ERC1: variants seen among roughly 807,000 people sequenced by gnomAD.
ERC1 encodes ELKS/RAB6-interacting/CAST family member 1.
Under a neutral mutation model 132.0 loss-of-function variants are expected in ERC1, and 56 were observed. The ratio of observed to expected loss-of-function variants is 0.42; its 90% CI spans 0.34 to 0.53. The LOEUF (loss-of-function observed/expected upper bound fraction) is 0.53, where lower values mean the gene tolerates loss of function less well. ERC1 is among the 20% of genes least tolerant of loss of function. The pLI is 0.03. For synonymous variants in ERC1, 478 were observed against 476.1 expected (o/e 1.00, Z -0.05); for missense variants, 1,202 against 1,349.9 (o/e 0.89, Z 1.72).
chr12:1,489,079 T>G (rs2094287266), intron 18 of ERC1, among the ~76,000 whole-genome samples: 1 of 152,238 alleles, frequency 6.6e-6, no homozygotes, highest in Non-Finnish European at 1.5e-5. Context: ...TCACTTCACG[T>G]GCTCAGTCTG....
rs111588678 is a variant in ERC1 at position 1,340,584 on chromosome 12, C to T, written c.2781-31249C>T. ...CCTCAGGGTCGTTGGGGGCTAGGAACGAGTCCCTGTGTGCAGTAGCCCGGT... is the reference window on the plus strand; with the variant it reads ...CCTCAGGGTCGTTGGGGGCTAGGAATGAGTCCCTGTGTGCAGTAGCCCGGT... On this transcript the variant is annotated intron_variant, in intron 15 of 18. Transcript: ENST00000360905. Among the ~76,000 whole-genome samples, 1,081 of 152,214 alleles carry T rather than the reference C, an allele frequency of 7.1e-3. 8 individuals are homozygous for T. The highest frequency in any genetic ancestry group is 0.023 in the African/African-American group (939 of 41,540).
intron 16 of ERC1, among the ~76,000 whole-genome samples, chr12:1,374,020 G>T (rs2087569413): frequency 6.6e-6 from 1 of 152,208 alleles, no homozygotes; most frequent in Admixed American, 6.5e-5. Flanking sequence ...TCTGGATGCT[G>T]TGAGCAAGAA....
chr12:1,091,998 A>ATTTTT (rs1257379725), intron 3 of ERC1, among the ~76,000 whole-genome samples: 42 of 103,338 alleles, frequency 4.1e-4, no homozygotes, highest in Middle Eastern at 5.6e-3. Flanking sequence ...CATTTAATCA[A>ATTTTT]TTCTTTTTTT....
intron 14 of ERC1, among the ~76,000 whole-genome samples, chr12:1,284,308 GTA>G (rs1555344237): frequency 3.3e-4 from 46 of 139,466 alleles, no homozygotes; most frequent in African/African-American, 1.1e-3. Context: ...GTGTGTGTGT[GTA>G]TACATACCAC....
intron 12 of ERC1, among the ~76,000 whole-genome samples, chr12:1,225,449 TACACACACACACACACACACAC>T (rs67132193): frequency 2.3e-5 from 3 of 131,760 alleles, no homozygotes; most frequent in Admixed American, 7.6e-5. Flanking sequence ...GGCTGTCTCT[TACACACACACACACACACACAC>T]ACACACACAC....
chr12:1,230,292 C>T (rs916987788), intron 12 of ERC1, among the ~76,000 whole-genome samples: 3 of 152,170 alleles, frequency 2.0e-5, no homozygotes, highest in Non-Finnish European at 4.4e-5. Flanking sequence ...AGCCACCGCG[C>T]TTGGCCTGAC....
intron 2 of ERC1, among the ~76,000 whole-genome samples, chr12:1,044,855 G>A (rs1200144308): frequency 1.3e-5 from 2 of 152,012 alleles, no homozygotes; most frequent in East Asian, 3.9e-4. Flanking sequence ...TAGCTCTCAG[G>A]ATTTTCAGTT....
intron 12 of ERC1, among the ~76,000 whole-genome samples, chr12:1,229,489 T>A (rs2074861074): frequency 6.6e-6 from 1 of 152,098 alleles, no homozygotes; most frequent in South Asian, 2.1e-4. Flanking sequence ...CAAGAATGAA[T>A]CTCTTTTAAA....
At chr12:1,276,114 A>C (rs1329719007) in intron 14 of ERC1, among the ~76,000 whole-genome samples, 2 of 152,214 alleles carry the variant, frequency 1.3e-5, no homozygotes, top group African/African-American at 4.8e-5. Flanking sequence ...TTCTGAGTGA[A>C]GCAATCTCTT....
At chr12:1,165,473 T>C (rs1952319031) in intron 8 of ERC1, among the ~76,000 whole-genome samples, 1 of 151,852 alleles carries the variant, frequency 6.6e-6, no homozygotes, top group Non-Finnish European at 1.5e-5. Flanking sequence ...GCCCGGCGAA[T>C]TTTTTTGTAT....
At chr12:1,151,403 G>A (rs539790080) in intron 8 of ERC1, among the ~76,000 whole-genome samples, 3 of 152,286 alleles carry the variant, frequency 2.0e-5, no homozygotes, top group Admixed American at 6.5e-5. Flanking sequence ...CATAGACCAT[G>A]TGCACCCCAA....
At chr12:1,139,114 G>A (rs1219608572) in intron 7 of ERC1, among the ~76,000 whole-genome samples, 1 of 152,164 alleles carries the variant, frequency 6.6e-6, no homozygotes, top group African/African-American at 2.4e-5. Context: ...TCTGTTACCT[G>A]TGGTCACCTG....
At position 1,211,337 on chromosome 12, in the gene ERC1, AG is replaced by A. The variant is rs1957850808; in HGVS notation, c.2351+21288del. Among the ~76,000 whole-genome samples, 5 of 152,002 alleles carry A rather than the reference AG, an allele frequency of 3.3e-5. No individual in the cohort carries two copies. In the South Asian group the frequency reaches 1.0e-3, roughly 32 times the overall value. On this transcript the variant is annotated intron_variant, in intron 12 of 18. Coordinates refer to ENST00000360905, the MANE Select transcript of ERC1 (RefSeq NM_178040.4). Reference sequence around the variant, plus strand: ...CTAATTTTGTATTTTTAGGAGAGACAGGGTTTCTCCATTGTTGGTCAGGCTG... The same window carrying A: ...CTAATTTTGTATTTTTAGGAGAGACAGGTTTCTCCATTGTTGGTCAGGCTG...
At chr12:1,421,554 G>A (rs2092429920) in intron 17 of ERC1, among the ~76,000 whole-genome samples, 1 of 152,152 alleles carries the variant, frequency 6.6e-6, no homozygotes, top group Non-Finnish European at 1.5e-5. Flanking sequence ...TGAGTAACAG[G>A]TCCGAGTGGA....
At chr12:1,296,016 A>C (rs2079896802) in intron 15 of ERC1, among the ~76,000 whole-genome samples, 1 of 150,480 alleles carries the variant, frequency 6.6e-6, no homozygotes, top group African/African-American at 2.4e-5. Context: ...AACAGAAAAA[A>C]AAAAAAAAAA....
intron 18 of ERC1, among the ~76,000 whole-genome samples, chr12:1,463,241 A>G (rs2093676236): frequency 6.6e-6 from 1 of 152,068 alleles, no homozygotes; most frequent in Non-Finnish European, 1.5e-5. Context: ...TAGGCACAGA[A>G]CCTAGGAGTC....
rs776699164 is a variant in ERC1, at chr12:1,183,428, G to GA, written c.2157+13dup. 22 of 1,548,920 alleles carry GA rather than the reference G, an allele frequency of 1.4e-5. No homozygotes were observed. Among genetic ancestry groups the GA allele is most frequent in the Non-Finnish European group, 1.9e-5 (22 of 1,137,222 alleles). On this transcript the variant is annotated splice_region_variant and intron_variant, in intron 11 of 18. Transcript: ENST00000360905. The stretch of plus-strand genomic sequence containing the variant: ...GGAATCACAATTGAAAAAGGTTAAA[G>GA]AAAAAATTTCACATTTTTTTGCTTT...
intron 18 of ERC1, among the ~76,000 whole-genome samples, chr12:1,467,880 C>T (rs1454430158): frequency 2.0e-5 from 3 of 152,174 alleles, no homozygotes; most frequent in Admixed American, 1.3e-4. Context: ...AGGGTTTGCG[C>T]TCATATGAGA....
chr12:1,285,540 T>C (rs944262550), intron 14 of ERC1, among the ~76,000 whole-genome samples: 1 of 152,192 alleles, frequency 6.6e-6, no homozygotes, highest in African/African-American at 2.4e-5. Flanking sequence ...TATAAAGATA[T>C]CTTTGCCAGC....
Sources: allele counts gnomAD v4.1 joint callset (sites outside exome capture counted in the v4.1 genomes callset), GRCh38; gene constraint gnomAD v4.1.1; transcripts MANE v1.5; gene names NCBI Gene and HGNC (gene_info 2026-07-23, HGNC 2026-07-21).